Variants in ERC2 observed in about 807,000 individuals in gnomAD.
ERC2 encodes ELKS/RAB6-interacting/CAST family member 2.
A neutral mutation model predicts 114.8 loss-of-function variants in ERC2; 42 were observed. The ratio of observed to expected loss-of-function variants is 0.37; its 90% CI spans 0.29 to 0.47. The LOEUF is 0.47. Ranked by LOEUF, ERC2 falls within the 20% of genes least tolerant of loss-of-function variation. ERC2 has a pLI of 0.99. For missense variants in ERC2, 939 were observed against 1,150.7 expected (o/e 0.82, Z 2.66); for synonymous variants, 454 against 425.5 (o/e 1.07, Z -0.82).
rs186543167 is a variant in ERC2 at position 56,004,204 on chromosome 3, C to A, written c.2061+2977G>T. Among the ~76,000 whole-genome samples the A allele has an allele frequency of 3.3e-3, 495 of 152,082 alleles. 5 individuals carry two copies. Among genetic ancestry groups the A allele is most frequent in the Admixed American group, 7.0e-3 (106 of 15,250 alleles). ...TAATCACATAGGGTAAATTTACTCCCCCATTTTGAACCTCAAATACTCTTT... is the reference window on the plus strand; with the variant it reads ...TAATCACATAGGGTAAATTTACTCCACCATTTTGAACCTCAAATACTCTTT... On this transcript the variant is annotated intron_variant, in intron 10 of 17. Coordinates refer to ENST00000288221, the MANE Select transcript of ERC2 (RefSeq NM_015576.3).
intron 3 of ERC2, among the ~76,000 whole-genome samples, chr3:56,260,366 A>G (rs202090268): frequency 6.7e-6 from 1 of 149,492 alleles, no homozygotes; most frequent in African/African-American, 2.5e-5. Flanking sequence ...GCAAAAAAAA[A>G]GGTTGAATGA....
chr3:56,448,876 C>T (rs1252323391), intron 1 of ERC2, among the ~76,000 whole-genome samples: 2 of 152,046 alleles, frequency 1.3e-5, no homozygotes, highest in Admixed American at 1.3e-4. Context: ...GAGATCGAGA[C>T]CATCCTGATT....
At chr3:56,365,128 G>A (rs1024341041) in intron 2 of ERC2, among the ~76,000 whole-genome samples, 4 of 152,180 alleles carry the variant, frequency 2.6e-5, no homozygotes, top group Admixed American at 1.3e-4. Flanking sequence ...AATGATTGGC[G>A]GCTATTATTT....
At chr3:56,326,596 C>T (rs1446571304) in intron 2 of ERC2, among the ~76,000 whole-genome samples, 1 of 152,154 alleles carries the variant, frequency 6.6e-6, no homozygotes, top group Non-Finnish European at 1.5e-5. Flanking sequence ...TTCCAGATTC[C>T]AGATTTTTCT....
intron 7 of ERC2, among the ~76,000 whole-genome samples, chr3:56,061,644 T>C (rs1344760151): frequency 6.6e-6 from 1 of 152,076 alleles, no homozygotes; most frequent in African/African-American, 2.4e-5. Flanking sequence ...ACAACAAATG[T>C]TTGGACTATG....
chr3:56,254,169 T>A (rs918287845), intron 3 of ERC2, among the ~76,000 whole-genome samples: 19 of 152,362 alleles, frequency 1.2e-4, no homozygotes, highest in African/African-American at 4.6e-4. Context: ...CGTCCCCTTT[T>A]ATTTTCCCCA....
chr3:56,086,137 A>G (rs1357682698), intron 6 of ERC2, among the ~76,000 whole-genome samples: 1 of 152,106 alleles, frequency 6.6e-6, no homozygotes, highest in East Asian at 1.9e-4. Flanking sequence ...TGATGTTGGA[A>G]TGTAATCTAG....
intron 2 of ERC2, among the ~76,000 whole-genome samples, chr3:56,353,846 T>A (rs1478073857): frequency 6.6e-6 from 1 of 151,488 alleles, no homozygotes; most frequent in Non-Finnish European, 1.5e-5. Context: ...ATAGCTGTCA[T>A]GTATTAAATG....
At chr3:55,859,539 A>G (rs2061936221) in intron 14 of ERC2, among the ~76,000 whole-genome samples, 2 of 152,010 alleles carry the variant, frequency 1.3e-5, no homozygotes, top group Admixed American at 6.5e-5. Context: ...ATGGGCCTTC[A>G]TGATGCATTG....
intron 3 of ERC2, among the ~76,000 whole-genome samples, chr3:56,276,473 A>AAAAAAAAAAAAAAC: frequency 6.6e-6 from 1 of 151,508 alleles, no homozygotes; most frequent in South Asian, 2.1e-4. Context: ...AAAAAAAAAA[A>AAAAAAAAAAAAAAC]AAAACAAACT....
chr3:56,387,515 T>C (rs2059976978), intron 2 of ERC2, among the ~76,000 whole-genome samples: 1 of 152,208 alleles, frequency 6.6e-6, no homozygotes, highest in African/African-American at 2.4e-5. Flanking sequence ...TCAGATTCTC[T>C]GCCATTTGTG....
At chr3:55,717,321 G>A (rs1559542820) in intron 15 of ERC2, among the ~76,000 whole-genome samples, 1 of 152,146 alleles carries the variant, frequency 6.6e-6, no homozygotes, top group Non-Finnish European at 1.5e-5. Flanking sequence ...GGGGCACAAC[G>A]TTAAGCCTCT....
rs1357117008 is a variant in ERC2 at position 56,245,664 on chromosome 3, C to G, written c.1074+50355G>C. Reference sequence around the variant, plus strand: ...GTTCAAGCAATTCTCCTGCCTCAGCCTCCCCAGTAGCTGGGATTACAGGTG... The same window carrying G: ...GTTCAAGCAATTCTCCTGCCTCAGCGTCCCCAGTAGCTGGGATTACAGGTG... On this transcript the variant is annotated intron_variant, in intron 3 of 17. Coordinates refer to ENST00000288221, the MANE Select transcript of ERC2 (RefSeq NM_015576.3). Among the ~76,000 whole-genome samples the G allele has an allele frequency of 3.3e-5, 5 of 152,052 alleles. No individual in the cohort carries two copies. The East Asian group carries it at 9.6e-4, about 29-fold the overall frequency.
chr3:56,362,024 C>A (rs1182351997), intron 2 of ERC2, among the ~76,000 whole-genome samples: 1 of 152,156 alleles, frequency 6.6e-6, no homozygotes, highest in East Asian at 1.9e-4. Flanking sequence ...CCATACCTTC[C>A]CATTGATGGA....
chr3:55,869,540 A>G (rs887452910), intron 14 of ERC2, among the ~76,000 whole-genome samples: 1 of 151,982 alleles, frequency 6.6e-6, no homozygotes. Context: ...TACCTCCCCA[A>G]ATTCTTCCAC....
At chr3:55,747,687 A>G (rs548072822) in intron 14 of ERC2, among the ~76,000 whole-genome samples, 110 of 152,362 alleles carry the variant, frequency 7.2e-4, no homozygotes, top group African/African-American at 2.5e-3. Context: ...ACATGTGGCC[A>G]TTGCCTTTGC....
At chr3:55,871,464 A>G (rs1007502166) in intron 14 of ERC2, among the ~76,000 whole-genome samples, 3 of 152,210 alleles carry the variant, frequency 2.0e-5, no homozygotes, top group African/African-American at 7.2e-5. Context: ...CATTCTCTGC[A>G]GAAAAGCTAC....
chr3:56,426,754 A>G (rs1360492515), intron 2 of ERC2, among the ~76,000 whole-genome samples: 1 of 152,214 alleles, frequency 6.6e-6, no homozygotes, highest in African/African-American at 2.4e-5. Flanking sequence ...GTTGTAGCCA[A>G]CCTGCAGATA....
chr3:56,021,539 G>C (rs1269483238), intron 7 of ERC2, among the ~76,000 whole-genome samples: 1 of 151,964 alleles, frequency 6.6e-6, no homozygotes, highest in Non-Finnish European at 1.5e-5. Flanking sequence ...GTTACAGATT[G>C]TTGGCATATT....
Sources: allele counts gnomAD v4.1 joint callset (sites outside exome capture counted in the v4.1 genomes callset), GRCh38; gene constraint gnomAD v4.1.1; transcripts MANE v1.5; gene names NCBI Gene and HGNC (gene_info 2026-07-23, HGNC 2026-07-21).